MDN1: variants seen among roughly 807,000 people sequenced by gnomAD.
MDN1 encodes midasin AAA ATPase 1.
Under a neutral mutation model 669.2 loss-of-function variants are expected in MDN1, and 266 were observed. The observed-to-expected ratio is 0.40, with a 90% CI of 0.36 to 0.44. MDN1 has a LOEUF of 0.44. MDN1 is among the 20% of genes least tolerant of loss of function. The pLI is 1.00. For synonymous variants in MDN1, 2,385 were observed against 2,457.1 expected (o/e 0.97, Z 0.87); for missense variants, 5,940 against 6,754.0 (o/e 0.88, Z 4.22).
chr6:89,687,376 C>T lies in MDN1; in HGVS notation c.11418G>A (p.Gln3806=), dbSNP rs770663995. 6.2e-6 allele frequency: 10 copies of T among 1,614,122 alleles called. No homozygotes were observed. In the East Asian group the frequency reaches 2.0e-4, roughly 32 times the overall value. The part of the protein sequence containing the change: ...SLRKHLDLIS[Q]MIIRWRKLEL... ...CCAGTTTACGCCACCGAATGATCAT[C>T]TGACTGATCAAATCAAGATGTTTCC... The change falls in exon 68 of 102, where the codon CAG becomes CAA. Residue 3806 remains glutamine (Q), a synonymous_variant. Transcript: ENST00000369393.
chr6:89,730,454 G>A lies in MDN1; in HGVS notation c.5140+272C>T, dbSNP rs542809186. Among the ~76,000 whole-genome samples the A allele has an allele frequency of 3.4e-3, 519 of 152,270 alleles. 2 individuals are homozygous for A. The highest frequency in any genetic ancestry group is 6.8e-3 in the South Asian group (33 of 4,830). On this transcript the variant is annotated intron_variant, in intron 35 of 101. Transcript: ENST00000369393. Reference sequence around the variant, plus strand: ...AGTAGAGTTTAGAGCTTTACTATAGGAAAGTTCCTAATGTGGGAACCAACT... The same window carrying A: ...AGTAGAGTTTAGAGCTTTACTATAGAAAAGTTCCTAATGTGGGAACCAACT...
At chr6:89,687,174 G>C (rs781362942) in intron 68 of MDN1, 151 bp from the exon 69 acceptor site, 11 of 1,274,300 alleles carry the variant, frequency 8.6e-6, no homozygotes, top group Non-Finnish European at 1.1e-5. Context: ...ATATGCTGTT[G>C]TCTGGACTGT....
chr6:89,692,471 G>T lies in MDN1; in HGVS notation c.10559C>A (p.Ala3520Asp). Residue 3520 changes from alanine (A) to aspartate (D), a missense_variant, in exon 63 of 102, where the codon GCC becomes GAC. This residue lies in a region of MDN1 where 2,280 missense variants were observed against 2,576.3 expected (regional missense o/e 0.88). Transcript: ENST00000369393. The part of the protein sequence containing the change: ...VLCKGELDQR[A>D]LQLFRHVCQE... ...ACACACATGTCTGAAGAGCTGCAGG[G>T]CCCTCTGGTCCAACTCTCCCTTGCA... is the stretch of plus-strand genomic sequence containing the variant. 2.5e-6 allele frequency: 4 copies of T among 1,613,644 alleles called. No individual in the cohort carries two copies. The highest frequency in any genetic ancestry group is 3.4e-6 in the Non-Finnish European group (4 of 1,179,718).
At chr6:89,784,545 C>T (rs1380530102) in intron 9 of MDN1, among the ~76,000 whole-genome samples, 3 of 152,134 alleles carry the variant, frequency 2.0e-5, no homozygotes, top group African/African-American at 7.2e-5. Flanking sequence ...ATACTTCTTA[C>T]TGATCTAGGA....
chr6:89,765,270 CAA>C (rs537390796), intron 15 of MDN1, among the ~76,000 whole-genome samples: 143 of 112,074 alleles, frequency 1.3e-3, no homozygotes, highest in African/African-American at 4.3e-3. Flanking sequence ...CACACACACA[CAA>C]AAAATTATAC....
At chr6:89,807,430 G>C (rs1768092686) in intron 1 of MDN1, among the ~76,000 whole-genome samples, 1 of 152,190 alleles carries the variant, frequency 6.6e-6, no homozygotes, top group Non-Finnish European at 1.5e-5. Flanking sequence ...TCATTGTGTT[G>C]TTTCTGTTAA....
chr6:89,748,490 T>C (rs17584108), intron 26 of MDN1, among the ~76,000 whole-genome samples: 15,115 of 152,156 alleles, frequency 0.099, 969 homozygotes, highest in South Asian at 0.16. Flanking sequence ...ATAAGATAAA[T>C]GGAATTTTTA....
chr6:89,762,276 A>G, intron 16 of MDN1, 43 bp downstream of exon 16: 1 of 1,519,080 alleles, frequency 6.6e-7, no homozygotes, highest in Non-Finnish European at 9.1e-7. Context: ...ACTAAAGCCC[A>G]GCCCCATGCC....
chr6:89,775,581 C>T (rs561368706), intron 12 of MDN1, among the ~76,000 whole-genome samples: 1 of 152,238 alleles, frequency 6.6e-6, no homozygotes, highest in East Asian at 1.9e-4. Context: ...CGTATTTTGA[C>T]ATAAAACAAG....
intron 15 of MDN1, among the ~76,000 whole-genome samples, chr6:89,766,065 C>T (rs997341299): frequency 3.9e-5 from 6 of 152,146 alleles, no homozygotes; most frequent in African/African-American, 1.4e-4. Flanking sequence ...GACGCTGAGG[C>T]AGGCGAATGC....
intron 85 of MDN1, 136 bp downstream of exon 85, chr6:89,664,350 GT>G (rs1162170434): frequency 9.8e-7 from 1 of 1,015,346 alleles, no homozygotes; most frequent in African/African-American, 1.6e-5. Context: ...AGCTGCTGAG[GT>G]TTTCATTTGC....
At chr6:89,783,259 G>A (rs770548755) in intron 9 of MDN1, among the ~76,000 whole-genome samples, 11 of 152,178 alleles carry the variant, frequency 7.2e-5, no homozygotes, top group Admixed American at 2.0e-4. Context: ...TTAATACCCC[G>A]GGAAAGGAAT....
At chr6:89,796,324 CAAAAAAAAAAAAAA>C (rs35169575) in intron 2 of MDN1, among the ~76,000 whole-genome samples, 16 of 45,392 alleles carry the variant, frequency 3.5e-4, no homozygotes, top group African/African-American at 1.9e-3. Context: ...AACTCTGTCT[CAAAAAAAAAAAAAA>C]AAAAAAAAAA....
rs564002721 is a variant in MDN1, at chr6:89,742,508, T to C, written c.4448+642A>G. 8.5e-5 allele frequency among the ~76,000 whole-genome samples: 13 copies of C among 152,338 alleles called. No homozygotes were observed. The South Asian group carries it at 2.1e-3, about 24-fold the overall frequency. On this transcript the variant is annotated intron_variant, in intron 31 of 101. Coordinates refer to ENST00000369393, the MANE Select transcript of MDN1 (RefSeq NM_014611.3). Reference sequence around the variant, plus strand: ...CTTGGCTAGCTCTGCAACTACTAAATTATTTCTCTACTGCAATACCACTAA... The same window carrying C: ...CTTGGCTAGCTCTGCAACTACTAAACTATTTCTCTACTGCAATACCACTAA...
At position 89,647,844 on chromosome 6, in the gene MDN1, T is replaced by G. The variant is rs1051468747; in HGVS notation, c.16395+188A>C. The stretch of plus-strand genomic sequence containing the variant: ...AGCATGCGCCTGTAGTCCTAGCTAC[T>G]AGGGAGGCTGAGGCAGGAGGACTGC... On this transcript the variant is annotated intron_variant, in intron 99 of 101. Coordinates refer to ENST00000369393, the MANE Select transcript of MDN1 (RefSeq NM_014611.3). Among the ~76,000 whole-genome samples the G allele has an allele frequency of 2.0e-5, 3 of 152,122 alleles. No homozygotes were observed. In the South Asian group the frequency reaches 6.2e-4, roughly 32 times the overall value.
chr6:89,778,898 A>T (rs1287419482), intron 11 of MDN1, among the ~76,000 whole-genome samples: 2 of 143,576 alleles, frequency 1.4e-5, no homozygotes, highest in Admixed American at 6.9e-5. Flanking sequence ...AAATAAATAA[A>T]TAAATAAATA....
intron 1 of MDN1, among the ~76,000 whole-genome samples, chr6:89,812,668 CT>C (rs1768515693): frequency 7.1e-6 from 1 of 140,978 alleles, no homozygotes; most frequent in South Asian, 2.1e-4. Context: ...AAGGCAACTG[CT>C]AACTGATCAG....
At chr6:89,765,289 T>C (rs1817756325) in intron 15 of MDN1, among the ~76,000 whole-genome samples, 2 of 151,914 alleles carry the variant, frequency 1.3e-5, no homozygotes, top group South Asian at 4.1e-4. Context: ...ATACTTTATC[T>C]GATTGTACTT....
intron 83 of MDN1, among the ~76,000 whole-genome samples, chr6:89,669,157 C>G (rs1408585655): frequency 6.6e-6 from 1 of 152,152 alleles, no homozygotes; most frequent in Non-Finnish European, 1.5e-5. Context: ...CTACCCGCAA[C>G]AGACAAAGGT....
Sources: gnomAD v4.1 joint callset for allele counts (sites outside exome capture counted in the v4.1 genomes callset) on GRCh38, gnomAD v4.1.1 for gene constraint, gnomAD v4.1.1 regional missense constraint, MANE v1.5 for transcripts, NCBI Gene and HGNC (gene_info 2026-07-23, HGNC 2026-07-21) for gene names.